GALNT12: variants seen among roughly 807,000 people sequenced by gnomAD.
The protein encoded by GALNT12 is polypeptide N-acetylgalactosaminyltransferase 12, also known as UDP-GalNAc:polypeptide N-acetylgalactosaminyltransferase 12.
GALNT12 carries 45 observed loss-of-function variants against 55.5 expected under a neutral mutation model. The observed-to-expected ratio is 0.81, with a 90% CI of 0.64 to 1.04. GALNT12 has a LOEUF of 1.04. Among genes scored for constraint, GALNT12 ranks in the 50% least tolerant of loss-of-function variants. The pLI, the probability that GALNT12 is intolerant of heterozygous loss-of-function variation, is 0.00. For synonymous variants in GALNT12, 304 were observed against 312.2 expected (o/e 0.97, Z 0.28); for missense variants, 709 against 754.8 (o/e 0.94, Z 0.71).
intron 7 of GALNT12, among the ~76,000 whole-genome samples, chr9:98,841,796 G>A (rs890587692): frequency 2.6e-5 from 4 of 151,280 alleles, no homozygotes; most frequent in Non-Finnish European, 5.9e-5. Flanking sequence ...TCAGCCTCCC[G>A]AGTAGCTGGG....
chr9:98,822,665 C>G (rs1835771204), intron 1 of GALNT12, among the ~76,000 whole-genome samples: 1 of 152,150 alleles, frequency 6.6e-6, no homozygotes, highest in South Asian at 2.1e-4. Flanking sequence ...TAAGCCTAGA[C>G]AGTATTGGAT....
At chr9:98,845,882 C>T (rs1836399718) in intron 8 of GALNT12, 95 bp from the exon 9 acceptor site, 7 of 1,349,126 alleles carry the variant, frequency 5.2e-6, no homozygotes, top group Non-Finnish European at 7.3e-6. Flanking sequence ...TGACCCCACC[C>T]ATGCTCTCGT....
At chr9:98,848,702 T>G in intron 9 of GALNT12, 1 of 554,226 alleles carries the variant, frequency 1.8e-6, no homozygotes, top group Non-Finnish European at 3.2e-6. Context: ...AGATGTAGGG[T>G]ATGACACATG....
At chr9:98,825,482 T>G (rs1176222862) in intron 2 of GALNT12, among the ~76,000 whole-genome samples, 1 of 152,186 alleles carries the variant, frequency 6.6e-6, no homozygotes, top group East Asian at 1.9e-4. Flanking sequence ...GTAAGCTTGA[T>G]GAAAGGGTGT....
intron 1 of GALNT12, among the ~76,000 whole-genome samples, chr9:98,814,330 G>A (rs907014322): frequency 2.0e-5 from 3 of 152,096 alleles, no homozygotes; most frequent in Non-Finnish European, 2.9e-5. Flanking sequence ...TGTACATCAC[G>A]ATCTCCTTGG....
In GALNT12 at chr9:98,833,021, C is replaced by A. The variant is rs535109654; in HGVS notation, c.917+1064C>A. Reference sequence around the variant, plus strand: ...CATATGCTCATTCTTGAGGAAACATCTTTAGGCCCCTTTGACCTGGGGTGT... The same window carrying A: ...CATATGCTCATTCTTGAGGAAACATATTTAGGCCCCTTTGACCTGGGGTGT... On this transcript the variant is annotated intron_variant, in intron 4 of 9. Coordinates refer to ENST00000375011, the MANE Select transcript of GALNT12 (RefSeq NM_024642.5). Among the ~76,000 whole-genome samples the A allele has an allele frequency of 3.2e-4, 49 of 152,200 alleles. No homozygotes were observed. The South Asian group carries it at 1.0e-2, about 31-fold the overall frequency.
At chr9:98,836,720 C>CA (rs1409300691) in intron 5 of GALNT12, among the ~76,000 whole-genome samples, 3 of 152,158 alleles carry the variant, frequency 2.0e-5, no homozygotes, top group Non-Finnish European at 2.9e-5. Context: ...GAGTCAAGTG[C>CA]ATGAGCTTTA....
chr9:98,815,138 G>GT (rs1835582084), intron 1 of GALNT12, among the ~76,000 whole-genome samples: 1 of 152,102 alleles, frequency 6.6e-6, no homozygotes, highest in African/African-American at 2.4e-5. Context: ...AGGAGAAAGT[G>GT]TTTTTTTCTG....
At position 98,849,869 on chromosome 9, in the gene GALNT12, G is replaced by A. The variant is rs1371885532; in HGVS notation, c.*777G>A. 3.3e-6 allele frequency: 1 copy of A among 302,554 alleles called. No homozygotes were observed. Among genetic ancestry groups the A allele is most frequent in the Non-Finnish European group, 6.0e-6 (1 of 166,388 alleles). The allele number at this position is 302,554 out of a possible 1,614,324, so 18.7% of individuals were successfully genotyped here. On this transcript the variant is annotated 3_prime_UTR_variant, in exon 10 of 10. Coordinates refer to ENST00000375011, the MANE Select transcript of GALNT12 (RefSeq NM_024642.5). The stretch of plus-strand genomic sequence containing the variant: ...AATTTTTATGATACGGTAGTGTCAG[G>A]GAGAAATGTAATGTTCTATATGAAA...
At chr9:98,830,085 C>T (rs186922622) in intron 3 of GALNT12, among the ~76,000 whole-genome samples, 6 of 152,272 alleles carry the variant, frequency 3.9e-5, no homozygotes, top group Admixed American at 3.9e-4. Flanking sequence ...ATTTACATTC[C>T]CACCAACGGT....
At position 98,846,822 on chromosome 9, in the gene GALNT12, A is replaced by C. The variant is rs1298056656; in HGVS notation, c.1605+699A>C. On this transcript the variant is annotated intron_variant, in intron 9 of 9. Transcript: ENST00000375011. Reference sequence around the variant, plus strand: ...CAGTCAGCCGAAATCATGCCACTGCACTGTAGCCTGGGAGACAGAGCGAGA... The same window carrying C: ...CAGTCAGCCGAAATCATGCCACTGCCCTGTAGCCTGGGAGACAGAGCGAGA... Among the ~76,000 whole-genome samples the C allele has an allele frequency of 1.1e-4, 16 of 142,466 alleles. No individual in the cohort carries two copies. In the Admixed American group the frequency reaches 1.2e-3, roughly 11 times the overall value. 93.5% of individuals were successfully genotyped at this position (142,466 alleles called of 152,430 possible).
At chr9:98,845,485 G>A (rs375971841) in intron 8 of GALNT12, among the ~76,000 whole-genome samples, 253 of 152,222 alleles carry the variant, frequency 1.7e-3, no homozygotes, top group African/African-American at 5.8e-3. Context: ...ACCATTGTCC[G>A]GGAAGAACCA....
At chr9:98,847,714 A>C (rs1253265062) in intron 9 of GALNT12, among the ~76,000 whole-genome samples, 1 of 152,060 alleles carries the variant, frequency 6.6e-6, no homozygotes, top group Non-Finnish European at 1.5e-5. Flanking sequence ...ATATAAAACA[A>C]ATATATATTG....
At chr9:98,816,907 C>G (rs544538807) in intron 1 of GALNT12, among the ~76,000 whole-genome samples, 7 of 149,594 alleles carry the variant, frequency 4.7e-5, no homozygotes, top group Non-Finnish European at 8.9e-5. Flanking sequence ...TCACTGCAAG[C>G]TCTGCCTTCC....
chr9:98,832,057 G>C, intron 4 of GALNT12, 100 bp downstream of exon 4: 2 of 1,009,516 alleles, frequency 2.0e-6, no homozygotes, highest in South Asian at 1.4e-5. Flanking sequence ...TTAGCTGTCA[G>C]CTTAACTACC....
chr9:98,846,138 T>C lies in GALNT12; in HGVS notation c.1605+15T>C. ...TCTTGCAGGAGGTAGGTGAACTCTCTCCTTCCTTCCTGCTGACAGTCCCTG... is the reference window on the plus strand; with the variant it reads ...TCTTGCAGGAGGTAGGTGAACTCTCCCCTTCCTTCCTGCTGACAGTCCCTG... On this transcript the variant is annotated intron_variant, in intron 9 of 9. Coordinates refer to ENST00000375011, the MANE Select transcript of GALNT12 (RefSeq NM_024642.5). The C allele has an allele frequency of 6.2e-7, 1 of 1,613,930 alleles. No individual in the cohort carries two copies. The highest frequency in any genetic ancestry group is 2.2e-5 in the East Asian group (1 of 44,874).
In GALNT12 at chr9:98,849,411, T is replaced by C. The variant is rs1006654373; in HGVS notation, c.*319T>C. On this transcript the variant is annotated 3_prime_UTR_variant, in exon 10 of 10. Transcript: ENST00000375011. ...AAGATGTATATTTTACAGTCGTGCC[T>C]TTTACTCTCATTAGCAAAAAAGATA... The C allele has an allele frequency of 3.7e-6, 2 of 541,162 alleles. No individual in the cohort carries two copies. Among genetic ancestry groups the C allele is most frequent in the Non-Finnish European group, 6.5e-6 (2 of 310,044 alleles). 33.5% of individuals were successfully genotyped at this position (541,162 alleles called of 1,614,324 possible).
At chr9:98,840,851 C>T (rs996177674) in intron 7 of GALNT12, among the ~76,000 whole-genome samples, 1 of 152,190 alleles carries the variant, frequency 6.6e-6, no homozygotes, top group Non-Finnish European at 1.5e-5. Flanking sequence ...CTGTACTTCA[C>T]CTCCACATTT....
chr9:98,824,240 T>C (rs1236679289), intron 2 of GALNT12, among the ~76,000 whole-genome samples: 2 of 152,192 alleles, frequency 1.3e-5, no homozygotes, highest in Non-Finnish European at 2.9e-5. Context: ...TCTGGTGTGC[T>C]AGTCTAGAAT....
Sources: allele counts gnomAD v4.1 joint callset (sites outside exome capture counted in the v4.1 genomes callset), GRCh38; gene constraint gnomAD v4.1.1; transcripts MANE v1.5; gene names NCBI Gene and HGNC (gene_info 2026-07-23, HGNC 2026-07-21).